KCNN2: variants seen among roughly 807,000 people sequenced by gnomAD.
KCNN2 encodes small conductance calcium-activated potassium channel protein 2.
Under a neutral mutation model 55.5 loss-of-function variants are expected in KCNN2, and 24 were observed. The observed-to-expected ratio is 0.43, with a 90% CI of 0.31 to 0.61. The LOEUF is 0.61. Ranked by LOEUF, KCNN2 falls within the 20% of genes least tolerant of loss-of-function variation. KCNN2 has a pLI of 0.08. For missense variants in KCNN2, 754 were observed against 853.6 expected, an observed-to-expected ratio of 0.88 and a Z score of 1.45; for synonymous variants, 431 against 336.1, an observed-to-expected ratio of 1.28 and a Z score of -3.09.
intron 2 of KCNN2, among the ~76,000 whole-genome samples, chr5:114,351,263 T>C (rs1293309839): frequency 1.3e-5 from 2 of 151,778 alleles, no homozygotes; most frequent in Non-Finnish European, 3.0e-5. Context: ...TACTAGTGTA[T>C]TGTAGTACAA....
chr5:114,367,496 A>G (rs1489403253), intron 2 of KCNN2, among the ~76,000 whole-genome samples: 3 of 152,216 alleles, frequency 2.0e-5, no homozygotes, highest in African/African-American at 7.2e-5. Flanking sequence ...ATTTTAATAA[A>G]TGCCTATGTA....
intron 1 of KCNN2, among the ~76,000 whole-genome samples, chr5:114,152,697 A>G (rs1264407878): frequency 6.6e-6 from 1 of 152,170 alleles, no homozygotes; most frequent in Non-Finnish European, 1.5e-5. Context: ...CCACACTGGA[A>G]TGGTCAGGGT....
chr5:114,204,918 A>G (rs921502266), intron 1 of KCNN2, among the ~76,000 whole-genome samples: 1 of 152,266 alleles, frequency 6.6e-6, no homozygotes. Flanking sequence ...TCACATCAAG[A>G]CATTATAGCA....
chr5:114,194,640 T>A (rs1411486242), intron 1 of KCNN2, among the ~76,000 whole-genome samples: 1 of 152,076 alleles, frequency 6.6e-6, no homozygotes, highest in Non-Finnish European at 1.5e-5. Flanking sequence ...TTTCTTCTAT[T>A]CAGTAGATTG....
Position 114,484,524 on chromosome 5 carries a change from A to G in KCNN2, c.1891-2526A>G, listed in dbSNP as rs555533749. Among the ~76,000 whole-genome samples the G allele has an allele frequency of 3.3e-5, 5 of 152,310 alleles. No homozygotes were observed. The South Asian group carries it at 8.3e-4, about 25-fold the overall frequency. On this transcript the variant is annotated intron_variant, in intron 5 of 7. Transcript: ENST00000673685. ...CTCCCCATTTTTCCTGGAAGTTTAC[A>G]TATCACTTTCTTTTGCCAACTCCCC... is the stretch of plus-strand genomic sequence containing the variant.
chr5:114,464,811 A>T (rs1761365285), intron 4 of KCNN2, among the ~76,000 whole-genome samples: 1 of 82,436 alleles, frequency 1.2e-5, no homozygotes, highest in Non-Finnish European at 2.7e-5. Flanking sequence ...GTGAACTTTA[A>T]AAAAAAAAAC....
At chr5:114,331,242 A>C (rs1231769001) in intron 2 of KCNN2, among the ~76,000 whole-genome samples, 1 of 152,192 alleles carries the variant, frequency 6.6e-6, no homozygotes, top group Non-Finnish European at 1.5e-5. Context: ...GTTTGAGAGG[A>C]AATAATAACC....
chr5:114,371,240 G>C lies in KCNN2; in HGVS notation c.1218+7239G>C, dbSNP rs1448492125. On this transcript the variant is annotated intron_variant, in intron 2 of 7. Transcript: ENST00000673685. Reference sequence around the variant, plus strand: ...ATTTGAAATTATGCTGATTGTATATGAGAGTCTGGAGTACAGAGGAAGTCT... The same window carrying C: ...ATTTGAAATTATGCTGATTGTATATCAGAGTCTGGAGTACAGAGGAAGTCT... Among the ~76,000 whole-genome samples, 2 of 152,194 alleles carry C rather than the reference G, an allele frequency of 1.3e-5. 1 individual carries two copies. The highest frequency in any genetic ancestry group is 2.9e-5 in the Non-Finnish European group (2 of 68,032).
At chr5:114,448,583 C>T (rs1378335226) in intron 3 of KCNN2, among the ~76,000 whole-genome samples, 2 of 152,196 alleles carry the variant, frequency 1.3e-5, no homozygotes, top group Non-Finnish European at 2.9e-5. Flanking sequence ...AATCTGTGCT[C>T]ATTCTCCTCA....
chr5:114,454,106 G>C (rs1760812543), intron 3 of KCNN2, among the ~76,000 whole-genome samples: 1 of 152,160 alleles, frequency 6.6e-6, no homozygotes, highest in African/African-American at 2.4e-5. Flanking sequence ...AGTTTGCTGA[G>C]AATGATGGTT....
intron 5 of KCNN2, among the ~76,000 whole-genome samples, chr5:114,483,678 A>G (rs867729984): frequency 9.9e-5 from 15 of 151,254 alleles, no homozygotes; most frequent in South Asian, 4.2e-4. Flanking sequence ...ACGGTTGATT[A>G]CTAGTGAGGC....
intron 2 of KCNN2, among the ~76,000 whole-genome samples, chr5:114,241,578 G>T (rs1210787123): frequency 1.3e-5 from 2 of 150,848 alleles, no homozygotes; most frequent in African/African-American, 4.9e-5. Flanking sequence ...AATAAAGATT[G>T]CTGTCATGTG....
chr5:114,201,002 T>G (rs1472181158), intron 1 of KCNN2, among the ~76,000 whole-genome samples: 1 of 152,022 alleles, frequency 6.6e-6, no homozygotes, highest in African/African-American at 2.4e-5. Context: ...ACCCTCCAGG[T>G]GACTTGCTTA....
At chr5:114,272,486 TATC>T (rs1179392029) in intron 2 of KCNN2, among the ~76,000 whole-genome samples, 7 of 152,086 alleles carry the variant, frequency 4.6e-5, no homozygotes, top group Middle Eastern at 3.4e-3. Context: ...TGTATGTACA[TATC>T]ATATACACAT....
intron 1 of KCNN2, among the ~76,000 whole-genome samples, chr5:114,135,904 A>G (rs1353113412): frequency 6.6e-6 from 1 of 152,200 alleles, no homozygotes; most frequent in Non-Finnish European, 1.5e-5. Context: ...AAAATTGGAG[A>G]TAAAAGAAAT....
At chr5:114,442,654 C>T (rs570398381) in intron 3 of KCNN2, among the ~76,000 whole-genome samples, 7 of 152,202 alleles carry the variant, frequency 4.6e-5, no homozygotes, top group African/African-American at 9.6e-5. Context: ...TGGCAAACGA[C>T]GGAAGACTCA....
chr5:114,316,422 G>C (rs1370912759), intron 2 of KCNN2, among the ~76,000 whole-genome samples: 1 of 152,118 alleles, frequency 6.6e-6, no homozygotes, highest in Non-Finnish European at 1.5e-5. Context: ...GAAACCGCTA[G>C]ACTAGCTTAA....
chr5:114,206,533 AT>A (rs1433797832), intron 1 of KCNN2, among the ~76,000 whole-genome samples: 4 of 151,020 alleles, frequency 2.6e-5, no homozygotes, highest in Admixed American at 6.6e-5. Context: ...AATCCAGGTC[AT>A]TTTTTTTCCC....
At chr5:114,061,442 C>G (rs1350337197) in intron 1 of KCNN2, among the ~76,000 whole-genome samples, 1 of 152,152 alleles carries the variant, frequency 6.6e-6, no homozygotes, top group Non-Finnish European at 1.5e-5. Flanking sequence ...ATACTACACC[C>G]ATTTTATAAA....
Sources: gnomAD v4.1 joint callset for allele counts (sites outside exome capture counted in the v4.1 genomes callset) on GRCh38, gnomAD v4.1.1 for gene constraint, MANE v1.5 for transcripts, NCBI Gene and HGNC (gene_info 2026-07-23, HGNC 2026-07-21) for gene names.